TUT4: variants seen among roughly 807,000 people sequenced by gnomAD.
TUT4 encodes the protein terminal uridylyltransferase 4.
In TUT4, 36 loss-of-function variants were observed where a neutral mutation model predicts 192.2. The observed-to-expected ratio is 0.19, with a 90% CI of 0.14 to 0.25. The LOEUF (loss-of-function observed/expected upper bound fraction) is 0.25, where lower values mean the gene tolerates loss of function less well. Among genes scored for constraint, TUT4 ranks in the 10% least tolerant of loss-of-function variants. The pLI is 1.00. For missense variants in TUT4, 1,493 were observed against 1,957.2 expected (o/e 0.76, Z 4.47); for synonymous variants, 618 against 666.0 (o/e 0.93, Z 1.11).
intron 16 of TUT4, chr1:52,463,171 T>TAA: frequency 1.0e-6 from 1 of 981,820 alleles, no homozygotes; most frequent in Non-Finnish European, 1.2e-6. Flanking sequence ...AGATTATATA[T>TAA]AATATACAAA....
At chr1:52,528,940 T>C (rs1682593588) in intron 1 of TUT4, among the ~76,000 whole-genome samples, 1 of 152,086 alleles carries the variant, frequency 6.6e-6, no homozygotes, top group Non-Finnish European at 1.5e-5. Context: ...CTCAAACTCA[T>C]GGCCTCAAGT....
chr1:52,486,260 A>C lies in TUT4; in HGVS notation c.1515+2649T>G, dbSNP rs559504949. ...AGATGACAAATAGTGCTAAAATGCA[A>C]TTCTTACATTAACCACGACAAGTGG... On this transcript the variant is annotated intron_variant, in intron 9 of 29. Coordinates refer to ENST00000257177, the MANE Select transcript of TUT4 (RefSeq NM_001009881.3). Among the ~76,000 whole-genome samples, 3 of 152,300 alleles carry C rather than the reference A, an allele frequency of 2.0e-5. No individual in the cohort carries two copies. In the South Asian group the frequency reaches 6.2e-4, roughly 32 times the overall value.
chr1:52,462,887 TA>T, intron 16 of TUT4: 2 of 985,338 alleles, frequency 2.0e-6, no homozygotes, highest in Non-Finnish European at 2.4e-6. Flanking sequence ...CTGAAGGGTA[TA>T]AACATCAATC....
intron 15 of TUT4, among the ~76,000 whole-genome samples, chr1:52,466,113 C>T (rs889216849): frequency 6.6e-6 from 1 of 152,090 alleles, no homozygotes; most frequent in South Asian, 2.1e-4. Flanking sequence ...CTTCATACCC[C>T]CATCCAGTTC....
intron 1 of TUT4, among the ~76,000 whole-genome samples, chr1:52,533,656 T>C (rs1684086185): frequency 6.6e-6 from 1 of 152,130 alleles, no homozygotes; most frequent in South Asian, 2.1e-4. Flanking sequence ...GAACATACCC[T>C]CCAGCAGCTT....
chr1:52,447,849 T>C (rs1441944651), intron 20 of TUT4, among the ~76,000 whole-genome samples: 3 of 152,224 alleles, frequency 2.0e-5, no homozygotes, highest in African/African-American at 7.2e-5. Context: ...AGTTTATAAA[T>C]GGAGAAAACA....
At chr1:52,438,369 C>T in intron 24 of TUT4, 34 bp from the exon 25 acceptor site, 1 of 1,473,060 alleles carries the variant, frequency 6.8e-7, no homozygotes, top group Non-Finnish European at 9.3e-7. Context: ...TAGGAGGAAT[C>T]ACTATAAAAC....
In TUT4 at chr1:52,425,526, G is replaced by GA. The variant is rs763557114; in HGVS notation, c.4712-20dup. On this transcript the variant is annotated intron_variant, in intron 28 of 29. Coordinates refer to ENST00000257177, the MANE Select transcript of TUT4 (RefSeq NM_001009881.3). ...CCTGGCTCTGCATTTCAACAAGAGG[G>GA]AAAAAGACATTTAAAAACATTAGTT... 1 of 1,595,802 alleles carries GA rather than the reference G, an allele frequency of 6.3e-7. No individual in the cohort carries two copies. The highest frequency in any genetic ancestry group is 1.8e-5 in the Admixed American group (1 of 56,180).
chr1:52,494,800 A>G (rs377309718), intron 6 of TUT4, among the ~76,000 whole-genome samples: 3 of 152,172 alleles, frequency 2.0e-5, no homozygotes, highest in Non-Finnish European at 4.4e-5. Context: ...GAACATAAAC[A>G]TATTATTCAA....
In TUT4 at chr1:52,526,232, T is replaced by G. The variant is rs765866314; in HGVS notation, c.49A>C (p.Asn17His). The G allele has an allele frequency of 6.3e-7, 1 of 1,590,414 alleles. No individual in the cohort carries two copies. The highest frequency in any genetic ancestry group is 1.8e-5 in the Admixed American group (1 of 54,298). Residue 17 changes from asparagine to histidine, a missense_variant, in exon 2 of 30, where the codon AAT becomes CAT. Coordinates refer to ENST00000257177, the MANE Select transcript of TUT4 (RefSeq NM_001009881.3). ...LKSENHEPKK[N>H]VICEESKAVQ... is the part of the protein sequence containing the mutation. ...GCTTTGCTTTCTTCACAAATAACAT[T>G]CTTCTTTGGTTCATGATTTTCACTT...
rs562328791 is a variant in TUT4 at position 52,489,101 on chromosome 1, T to C, written c.1389-66A>G. On this transcript the variant is annotated intron_variant, in intron 8 of 29. Transcript: ENST00000257177. ...CTTAAAAGCAGAATACTTCAAATCC[T>C]GTGGCTATTTTCTTTCTAGTTATCA... The C allele has an allele frequency of 4.1e-5, 60 of 1,457,364 alleles. No individual in the cohort carries two copies. In the African/African-American group the frequency reaches 7.9e-4, roughly 19 times the overall value. The allele number at this position is 1,457,364 out of a possible 1,614,324, so 90.3% of individuals were successfully genotyped here.
intron 28 of TUT4, among the ~76,000 whole-genome samples, chr1:52,430,427 C>A (rs1203590836): frequency 6.6e-6 from 1 of 152,126 alleles, no homozygotes; most frequent in Non-Finnish European, 1.5e-5. Flanking sequence ...GGATTACAGG[C>A]GTGCACCACC....
intron 9 of TUT4, among the ~76,000 whole-genome samples, chr1:52,486,276 C>T (rs1344377194): frequency 6.6e-6 from 1 of 152,080 alleles, no homozygotes; most frequent in South Asian, 2.1e-4. Flanking sequence ...ACATTAACCA[C>T]GACAAGTGGC....
chr1:52,496,807 A>T (rs74080969), intron 5 of TUT4, among the ~76,000 whole-genome samples, 199 bp downstream of exon 5: 4,868 of 151,126 alleles, frequency 0.032, 179 homozygotes, highest in African/African-American at 0.096. Flanking sequence ...TTTTTTTCTT[A>T]GTACAAAAGT....
At chr1:52,480,940 T>C (rs1381349344) in intron 11 of TUT4, among the ~76,000 whole-genome samples, 2 of 152,200 alleles carry the variant, frequency 1.3e-5, no homozygotes, top group African/African-American at 4.8e-5. Flanking sequence ...ATCTGTCCAT[T>C]TAGAAGACTA....
intron 2 of TUT4, 66 bp from the exon 3 acceptor site, chr1:52,516,120 AAC>A: frequency 8.0e-7 from 1 of 1,247,514 alleles, no homozygotes. Flanking sequence ...TTTAATGGAA[AAC>A]AGACATTAAA....
intron 15 of TUT4, among the ~76,000 whole-genome samples, chr1:52,467,188 T>C (rs958033512): frequency 2.0e-5 from 3 of 152,214 alleles, no homozygotes; most frequent in Non-Finnish European, 2.9e-5. Flanking sequence ...TTAAAAAATA[T>C]TTGTTTTCAA....
intron 29 of TUT4, 121 bp downstream of exon 29, chr1:52,425,228 T>C (rs2148011531): frequency 8.1e-7 from 1 of 1,237,852 alleles, no homozygotes; most frequent in Non-Finnish European, 1.1e-6. Context: ...ACAGTATAAT[T>C]TCTCAGTAAA....
intron 1 of TUT4, among the ~76,000 whole-genome samples, chr1:52,551,650 T>C (rs1371559933): frequency 1.3e-5 from 2 of 152,178 alleles, no homozygotes; most frequent in African/African-American, 4.8e-5. Flanking sequence ...ATACATGAGT[T>C]CTAAGCCTAA....
Sources: gnomAD v4.1 joint callset for allele counts (sites outside exome capture counted in the v4.1 genomes callset) on GRCh38, gnomAD v4.1.1 for gene constraint, MANE v1.5 for transcripts, NCBI Gene and HGNC (gene_info 2026-07-23, HGNC 2026-07-21) for gene names.